Variants in PAPPA2 observed in about 807,000 individuals in gnomAD.
PAPPA2 encodes pappalysin 2.
A neutral mutation model predicts 176.4 loss-of-function variants in PAPPA2; 86 were observed. The observed-to-expected ratio is 0.49, with a 90% CI of 0.41 to 0.58. PAPPA2 has a LOEUF of 0.58. Among genes scored for constraint, PAPPA2 ranks in the 20% least tolerant of loss-of-function variants. The pLI is 0.00. For synonymous variants in PAPPA2, 809 were observed against 852.2 expected (o/e 0.95, Z 0.88); for missense variants, 2,073 against 2,256.9 (o/e 0.92, Z 1.65).
chr1:176,710,233 C>G (rs1661084174), intron 11 of PAPPA2, 57 bp downstream of exon 11: 3 of 1,463,124 alleles, frequency 2.1e-6, no homozygotes, highest in Non-Finnish European at 2.8e-6. Flanking sequence ...AGTGACTCCC[C>G]CTATGCTTAC....
chr1:176,615,207 A>G (rs1460739260), intron 3 of PAPPA2, among the ~76,000 whole-genome samples: 1 of 152,224 alleles, frequency 6.6e-6, no homozygotes, highest in Non-Finnish European at 1.5e-5. Flanking sequence ...CTCCCTGTTA[A>G]GCTGCACCTC....
intron 21 of PAPPA2, among the ~76,000 whole-genome samples, chr1:176,823,389 A>C (rs896708762): frequency 6.6e-6 from 1 of 152,234 alleles, no homozygotes; most frequent in South Asian, 2.1e-4. Context: ...AAAGAGGTAA[A>C]TAAAAGGTAG....
chr1:176,773,675 G>A lies in PAPPA2; in HGVS notation c.4715+2495G>A, dbSNP rs565021418. ...GTTTTGAGGCTGAATGTCAGGTAAT[G>A]TCGTGAAAGCATTTTACAAACTTTG... On this transcript the variant is annotated intron_variant, in intron 17 of 22. Transcript: ENST00000367662. Among the ~76,000 whole-genome samples, 21 of 152,256 alleles carry A rather than the reference G, an allele frequency of 1.4e-4. No individual in the cohort carries two copies. In the South Asian group the frequency reaches 4.1e-3, roughly 30 times the overall value.
At chr1:176,554,169 A>C (rs998569064) in intron 1 of PAPPA2, among the ~76,000 whole-genome samples, 1 of 152,204 alleles carries the variant, frequency 6.6e-6, no homozygotes, top group Admixed American at 6.5e-5. Flanking sequence ...TACAGCATTT[A>C]TAATGCAAAC....
chr1:176,820,666 C>T (rs1215537229), intron 21 of PAPPA2, among the ~76,000 whole-genome samples: 1 of 152,182 alleles, frequency 6.6e-6, no homozygotes, highest in Non-Finnish European at 1.5e-5. Flanking sequence ...TCCCTTCCCT[C>T]TGCCTCCTAC....
Position 176,692,116 on chromosome 1 carries a change from GT to G in PAPPA2, c.2432-9del, listed in dbSNP as rs1558523051. The G allele has an allele frequency of 6.3e-7, 1 of 1,593,732 alleles. No homozygotes were observed. The highest frequency in any genetic ancestry group is 8.6e-7 in the Non-Finnish European group (1 of 1,167,202). ...CTCCATCTCTTGTGCCACCTTTTTT[GT>G]CTCCACAGATGATAACTGCACTGAC... On this transcript the variant is annotated splice_polypyrimidine_tract_variant and intron_variant, in intron 5 of 22. Coordinates refer to ENST00000367662, the MANE Select transcript of PAPPA2 (RefSeq NM_020318.3).
At chr1:176,753,963 T>C (rs1663298581) in intron 14 of PAPPA2, among the ~76,000 whole-genome samples, 1 of 151,590 alleles carries the variant, frequency 6.6e-6, no homozygotes, top group Admixed American at 6.6e-5. Flanking sequence ...GATGGCTGGC[T>C]GTATGACAAG....
chr1:176,635,133 C>T (rs1343933042), intron 3 of PAPPA2, among the ~76,000 whole-genome samples: 1 of 152,092 alleles, frequency 6.6e-6, no homozygotes, highest in Admixed American at 6.6e-5. Flanking sequence ...AGCAGAAAAC[C>T]TGACTGCTAT....
intron 4 of PAPPA2, among the ~76,000 whole-genome samples, chr1:176,676,042 C>A (rs1014388437): frequency 1.3e-5 from 2 of 151,920 alleles, no homozygotes; most frequent in South Asian, 4.1e-4. Flanking sequence ...ACACTACAAA[C>A]CCATCAGAAG....
At position 176,699,445 on chromosome 1, in the gene PAPPA2, T is replaced by C. The variant is rs768857820; in HGVS notation, c.3092T>C (p.Ile1031Thr). ...TACACCTTTGATGAGAGGATAGAGA[T>C]TGATGCAGCACTCCTGACTTCTCAG... ...KVYTFDERIEIDAALLTSQPH... is the reference protein window; with the variant it reads ...KVYTFDERIETDAALLTSQPH... Residue 1031 changes from isoleucine (I) to threonine (T), a missense_variant, in exon 8 of 23, where the codon ATT becomes ACT. This residue lies in a region of PAPPA2 where 1,196 missense variants were observed against 1,330.4 expected (regional missense o/e 0.90). Transcript: ENST00000367662. 1 of 1,614,064 alleles carries C rather than the reference T, an allele frequency of 6.2e-7. No individual in the cohort carries two copies. Among genetic ancestry groups the C allele is most frequent in the Admixed American group, 1.7e-5 (1 of 60,014 alleles).
chr1:176,569,938 C>T (rs1057283977), intron 2 of PAPPA2, among the ~76,000 whole-genome samples: 2 of 152,162 alleles, frequency 1.3e-5, no homozygotes, highest in Admixed American at 6.5e-5. Context: ...CCTTCCTCAT[C>T]CCCACAAATC....
At chr1:176,791,729 T>A (rs1665187442) in intron 19 of PAPPA2, among the ~76,000 whole-genome samples, 1 of 151,972 alleles carries the variant, frequency 6.6e-6, no homozygotes, top group Non-Finnish European at 1.5e-5. Context: ...AATTTTTGTG[T>A]TTTTAGTAGA....
At chr1:176,620,815 G>C (rs1184233293) in intron 3 of PAPPA2, among the ~76,000 whole-genome samples, 1 of 152,174 alleles carries the variant, frequency 6.6e-6, no homozygotes, top group South Asian at 2.1e-4. Context: ...TGGCTTAGCT[G>C]AGTATAAAAA....
At chr1:176,690,830 G>T in intron 5 of PAPPA2, 2 of 1,002,904 alleles carry the variant, frequency 2.0e-6, no homozygotes, top group Non-Finnish European at 2.4e-6. Context: ...ATGGGTCAAG[G>T]TGGCCCATTG....
chr1:176,807,314 T>G (rs575770535), intron 21 of PAPPA2, among the ~76,000 whole-genome samples: 1 of 151,884 alleles, frequency 6.6e-6, no homozygotes, highest in Admixed American at 6.6e-5. Context: ...GGAGAGAGAG[T>G]TGGTAAAGGA....
chr1:176,635,804 G>A (rs773867928), intron 3 of PAPPA2, among the ~76,000 whole-genome samples: 9 of 151,850 alleles, frequency 5.9e-5, no homozygotes, highest in Non-Finnish European at 8.8e-5. Context: ...ACTGTACCAC[G>A]GTAGGAGAAT....
At chr1:176,592,853 A>G (rs12089520) in intron 2 of PAPPA2, among the ~76,000 whole-genome samples, 7,447 of 152,294 alleles carry the variant, frequency 0.049, 322 homozygotes, top group South Asian at 0.16. Context: ...GCTTATTAAA[A>G]TAAGTGGACC....
intron 10 of PAPPA2, among the ~76,000 whole-genome samples, chr1:176,708,435 AT>A (rs1416171558): frequency 6.6e-6 from 1 of 152,084 alleles, no homozygotes; most frequent in Non-Finnish European, 1.5e-5. Flanking sequence ...ATAAACAAAA[AT>A]TTTAAGTCCG....
In PAPPA2 at chr1:176,765,841, A is replaced by G. The variant is rs1168512404; in HGVS notation, c.4323+4A>G. On this transcript the variant is annotated splice_donor_region_variant and intron_variant, in intron 15 of 22. Coordinates refer to ENST00000367662, the MANE Select transcript of PAPPA2 (RefSeq NM_020318.3). ...GCAGTACATCAGGCCCATGCAGGTG[A>G]GTTGAAAGAACACTATCACCAGGAC... is the stretch of plus-strand genomic sequence containing the variant. 6.2e-7 allele frequency: 1 copy of G among 1,612,984 alleles called. No homozygotes were observed. Among genetic ancestry groups the G allele is most frequent in the African/African-American group, 1.3e-5 (1 of 74,920 alleles).
Sources: allele counts gnomAD v4.1 joint callset (sites outside exome capture counted in the v4.1 genomes callset), GRCh38; gene constraint gnomAD v4.1.1; regional missense constraint gnomAD v4.1.1; transcripts MANE v1.5; gene names NCBI Gene and HGNC (gene_info 2026-07-23, HGNC 2026-07-21).